TANC2: variants seen among roughly 807,000 people sequenced by gnomAD.
The protein encoded by TANC2 is protein TANC2.
TANC2 carries 26 observed loss-of-function variants against 210.5 expected under a neutral mutation model. The ratio of observed to expected loss-of-function variants is 0.12; its 90% CI spans 0.09 to 0.17. TANC2 has a LOEUF of 0.17. TANC2 is among the 10% of genes least tolerant of loss of function. The probability of loss-of-function intolerance (pLI) is 1.00; values close to 1 mark genes in which losing one functional copy is unlikely to be tolerated. For synonymous variants in TANC2, 931 were observed against 967.1 expected (o/e 0.96, Z 0.69); for missense variants, 2,129 against 2,608.9 (o/e 0.82, Z 4.01).
At chr17:63,337,939 G>A (rs1273503056) in intron 11 of TANC2, among the ~76,000 whole-genome samples, 1 of 152,178 alleles carries the variant, frequency 6.6e-6, no homozygotes, top group Non-Finnish European at 1.5e-5. Context: ...TTCCTGAGGA[G>A]GACATGATCT....
chr17:63,069,100 T>C (rs554225616), intron 2 of TANC2, among the ~76,000 whole-genome samples: 1 of 152,264 alleles, frequency 6.6e-6, no homozygotes, highest in South Asian at 2.1e-4. Flanking sequence ...TTTGGTGAAG[T>C]TTGATAGTTG....
At chr17:63,079,741 G>A (rs1031359965) in intron 3 of TANC2, among the ~76,000 whole-genome samples, 8 of 152,164 alleles carry the variant, frequency 5.3e-5, no homozygotes, top group Non-Finnish European at 8.8e-5. Flanking sequence ...TATGTTGTCT[G>A]TTGGACTGTG....
In TANC2 at chr17:63,399,167, T is replaced by C. The variant is rs141636874; in HGVS notation, c.3331+253T>C. ...TTTTTCCCTCTCTTGTTTCCAAATATTTTTAAAAGACTGAAAGTTACCTTA... is the reference window on the plus strand; with the variant it reads ...TTTTTCCCTCTCTTGTTTCCAAATACTTTTAAAAGACTGAAAGTTACCTTA... On this transcript the variant is annotated intron_variant, in intron 19 of 27. Coordinates refer to ENST00000689528, the Ensembl canonical transcript of TANC2. The C allele has an allele frequency of 7.6e-4, 194 of 253,644 alleles. 2 individuals carry two copies. The highest frequency in any genetic ancestry group is 4.0e-3 in the African/African-American group (178 of 45,018). The allele number at this position is 253,644 out of a possible 1,614,324, so 15.7% of individuals were successfully genotyped here. A position where few individuals can be genotyped will look rare whatever the true frequency, so the allele number is the denominator to read the frequency against.
chr17:63,359,047 G>T (rs948522772), intron 14 of TANC2, among the ~76,000 whole-genome samples: 1 of 149,770 alleles, frequency 6.7e-6, no homozygotes, highest in African/African-American at 2.5e-5. Context: ...GCGTTATTAT[G>T]TGTGTATTTT....
chr17:63,028,081 T>C (rs997885885), intron 2 of TANC2, among the ~76,000 whole-genome samples: 18 of 152,122 alleles, frequency 1.2e-4, no homozygotes, highest in African/African-American at 4.3e-4. Flanking sequence ...CCCGGTTCTT[T>C]AGAGGAGCCC....
chr17:63,113,648 C>T (rs2038139037), intron 4 of TANC2, among the ~76,000 whole-genome samples: 1 of 152,110 alleles, frequency 6.6e-6, no homozygotes, highest in Non-Finnish European at 1.5e-5. Context: ...GCTGGGACTA[C>T]AGGCGTGCAC....
At chr17:63,187,630 T>G (rs182588473) in intron 5 of TANC2, among the ~76,000 whole-genome samples, 243 of 152,230 alleles carry the variant, frequency 1.6e-3, no homozygotes, top group African/African-American at 5.6e-3. Flanking sequence ...AGAAATGTTC[T>G]AAGTGTGATG....
chr17:63,180,801 A>G (rs2040753981), intron 5 of TANC2, among the ~76,000 whole-genome samples: 1 of 151,792 alleles, frequency 6.6e-6, no homozygotes, highest in Non-Finnish European at 1.5e-5. Context: ...AGGCGGGTGA[A>G]TCACCTGAGG....
intron 14 of TANC2, among the ~76,000 whole-genome samples, chr17:63,361,882 G>C (rs1022568802): frequency 1.3e-5 from 2 of 152,224 alleles, no homozygotes; most frequent in African/African-American, 2.4e-5. Flanking sequence ...TCCACAAGCA[G>C]GTCATCCCTG....
chr17:63,417,605 C>G (rs551495490), intron 26 of TANC2, among the ~76,000 whole-genome samples: 58 of 152,206 alleles, frequency 3.8e-4, no homozygotes, highest in Non-Finnish European at 8.2e-4. Flanking sequence ...TCAGAGAAGC[C>G]TCTGTGAAAT....
chr17:63,009,093 C>A (rs992721419), intron 1 of TANC2, among the ~76,000 whole-genome samples: 23 of 151,814 alleles, frequency 1.5e-4, no homozygotes, highest in African/African-American at 5.1e-4. Flanking sequence ...TATATTTAAA[C>A]ATAGTTAATT....
At chr17:63,100,720 T>C (rs2037588900) in intron 4 of TANC2, among the ~76,000 whole-genome samples, 1 of 152,182 alleles carries the variant, frequency 6.6e-6, no homozygotes, top group South Asian at 2.1e-4. Context: ...CTGGATTGCC[T>C]GAAGTTTTAG....
At position 63,418,250 on chromosome 17, in the gene TANC2, G is replaced by A; in HGVS notation, c.4168-57G>A. 6.7e-7 allele frequency: 1 copy of A among 1,502,338 alleles called. No individual in the cohort carries two copies. The highest frequency in any genetic ancestry group is 1.4e-5 in the African/African-American group (1 of 72,284). The allele number at this position is 1,502,338 out of a possible 1,614,324, so 93.1% of individuals were successfully genotyped here. On this transcript the variant is annotated intron_variant, in intron 26 of 27. Coordinates refer to ENST00000689528, the Ensembl canonical transcript of TANC2. This position sits in a 1 kb window ranked among gnomAD's most constrained non-coding sequence, Gnocchi z 4.6. ...TACAAATAATTTGTTTTATTCCCAA[G>A]TTGTCTATTTTTTATATCTCATCAA...
At chr17:62,982,174 C>T (rs1440417173) in intron 1 of TANC2, among the ~76,000 whole-genome samples, 1 of 152,174 alleles carries the variant, frequency 6.6e-6, no homozygotes, top group Admixed American at 6.5e-5. Context: ...TATCCTGCAT[C>T]ATTTTATTAC....
At chr17:63,098,509 C>CTG (rs1297888437) in intron 3 of TANC2, among the ~76,000 whole-genome samples, 5,501 of 66,568 alleles carry the variant, frequency 0.083, 252 homozygotes, top group African/African-American at 0.14. Context: ...CTCTCTCTCT[C>CTG]TGTGTGTATA....
chr17:63,014,836 G>C (rs2034033778), intron 2 of TANC2, among the ~76,000 whole-genome samples: 1 of 151,852 alleles, frequency 6.6e-6, no homozygotes, highest in African/African-American at 2.4e-5. Context: ...TTATTCCCTG[G>C]TTTTTCACAC....
intron 2 of TANC2, among the ~76,000 whole-genome samples, chr17:63,047,730 T>G (rs1568342797): frequency 6.6e-6 from 1 of 152,126 alleles, no homozygotes; most frequent in African/African-American, 2.4e-5. Context: ...AAGAAAAATA[T>G]CTTTTCTTCA....
intron 1 of TANC2, among the ~76,000 whole-genome samples, chr17:62,996,994 T>TTTTTTTTTTTTTTTTTTTTTG (rs2033144497): frequency 1.1e-4 from 16 of 143,760 alleles, no homozygotes; most frequent in African/African-American, 2.2e-4. Flanking sequence ...TTTGTATTTT[T>TTTTTTTTTTTTTTTTTTTTTG]AGTATAGATG....
At chr17:63,219,823 A>G (rs1334735729) in intron 7 of TANC2, among the ~76,000 whole-genome samples, 4 of 152,232 alleles carry the variant, frequency 2.6e-5, no homozygotes, top group Non-Finnish European at 5.9e-5. Context: ...AAAAATTAAA[A>G]AAAAAGAAAT....
Sources: gnomAD v4.1 joint callset for allele counts (sites outside exome capture counted in the v4.1 genomes callset) on GRCh38, gnomAD v4.1.1 for gene constraint, Gnocchi (gnomAD v3.1) non-coding constraint, MANE v1.5 for transcripts, NCBI Gene and HGNC (gene_info 2026-07-23, HGNC 2026-07-21) for gene names.